The following POT1 variants were observed in gnomAD, a reference collection of about 807,000 sequenced individuals.
POT1 encodes protection of telomeres 1, also known as protection of telomeres protein 1.
POT1 carries 47 observed loss-of-function variants against 78.5 expected under a neutral mutation model. The observed-to-expected ratio is 0.60, with a 90% CI of 0.47 to 0.76. The LOEUF is 0.76. POT1 is among the 30% of genes least tolerant of loss of function. POT1 has a pLI of 0.00. For missense variants in POT1, 646 were observed against 749.9 expected (o/e 0.86, Z 1.62); for synonymous variants, 259 against 260.7 (o/e 0.99, Z 0.06).
intron 2 of POT1, among the ~76,000 whole-genome samples, chr7:124,917,099 A>C (rs1797032011): frequency 6.6e-6 from 1 of 152,130 alleles, no homozygotes. Context: ...TAAGGCCCAG[A>C]CCTATACAGC....
At chr7:124,874,357 A>C (rs1795938332) in intron 6 of POT1, among the ~76,000 whole-genome samples, 1 of 152,172 alleles carries the variant, frequency 6.6e-6, no homozygotes, top group African/African-American at 2.4e-5. Context: ...GAAACAAACT[A>C]CTTACATACA....
intron 2 of POT1, among the ~76,000 whole-genome samples, chr7:124,918,047 C>T (rs1384847218): frequency 6.6e-6 from 1 of 152,214 alleles, no homozygotes; most frequent in African/African-American, 2.4e-5. Context: ...AGTAAATCAA[C>T]TGCTAAGCCT....
rs1053085105 is a variant in POT1, at chr7:124,869,511, GT to G, written c.255+1399del. Among the ~76,000 whole-genome samples, 1,069 of 117,928 alleles carry G rather than the reference GT, an allele frequency of 9.1e-3. 11 individuals are homozygous for G. The highest frequency in any genetic ancestry group is 0.034 in the African/African-American group (1,034 of 30,652). 77.4% of individuals were successfully genotyped at this position (117,928 alleles called of 152,430 possible). A position where few individuals can be genotyped will look rare whatever the true frequency, so the allele number is the denominator to read the frequency against. ...AATACAGTATACAGGAAACAATACTGTGAAAAGTAAGCAATTTTTTGACGTT... is the reference window on the plus strand; with the variant it reads ...AATACAGTATACAGGAAACAATACTGGAAAAGTAAGCAATTTTTTGACGTT... On this transcript the variant is annotated intron_variant, in intron 7 of 18. Transcript: ENST00000357628.
chr7:124,859,516 T>C (rs920424733), intron 8 of POT1, among the ~76,000 whole-genome samples: 1 of 152,280 alleles, frequency 6.6e-6, no homozygotes, highest in East Asian at 1.9e-4. Context: ...ATTATTTTTA[T>C]GAGATTCAGT....
intron 14 of POT1, among the ~76,000 whole-genome samples, chr7:124,839,845 T>G (rs934630260): frequency 6.6e-6 from 1 of 152,058 alleles, no homozygotes; most frequent in Non-Finnish European, 1.5e-5. Flanking sequence ...AAAACCATTA[T>G]CACTCAAAGT....
At chr7:124,878,267 G>A (rs1796037050) in intron 6 of POT1, among the ~76,000 whole-genome samples, 1 of 152,086 alleles carries the variant, frequency 6.6e-6, no homozygotes, top group East Asian at 1.9e-4. Flanking sequence ...AGGAGGCAGA[G>A]GTTGTAGTAA....
intron 3 of POT1, among the ~76,000 whole-genome samples, chr7:124,907,937 A>G (rs1335951901): frequency 2.6e-5 from 4 of 152,072 alleles, no homozygotes; most frequent in Admixed American, 6.6e-5. Flanking sequence ...CTAATAAAGG[A>G]AACAGTCAGT....
chr7:124,842,756 T>TA (rs1449769928), intron 13 of POT1, 51 bp downstream of exon 13: 2 of 1,479,372 alleles, frequency 1.4e-6, no homozygotes, highest in Non-Finnish European at 1.8e-6. Flanking sequence ...TATGTGTACA[T>TA]ATACACACAA....
At chr7:124,859,183 G>A in intron 8 of POT1, 71 bp from the exon 9 acceptor site, 5 of 1,211,278 alleles carry the variant, frequency 4.1e-6, no homozygotes, top group Non-Finnish European at 5.6e-6. Context: ...TTTTTTCCTG[G>A]AAACAGTATT....
intron 6 of POT1, among the ~76,000 whole-genome samples, chr7:124,876,563 G>A (rs1795994879): frequency 6.6e-6 from 1 of 152,126 alleles, no homozygotes; most frequent in Non-Finnish European, 1.5e-5. Context: ...TGGATATGGT[G>A]CACCTGCTTC....
intron 7 of POT1, among the ~76,000 whole-genome samples, chr7:124,865,048 A>C (rs1795687508): frequency 6.6e-6 from 1 of 152,004 alleles, no homozygotes; most frequent in African/African-American, 2.4e-5. Flanking sequence ...TTTTTATTTT[A>C]CTCTCATTCC....
At chr7:124,922,247 A>G (rs12536017) in intron 2 of POT1, among the ~76,000 whole-genome samples, 91,332 of 151,732 alleles carry the variant, frequency 0.6, 27,627 homozygotes, top group African/African-American at 0.65. Context: ...AATGGTAGAT[A>G]TTTTTCACAA....
chr7:124,834,852 C>T (rs1794852244), intron 15 of POT1, among the ~76,000 whole-genome samples: 1 of 152,200 alleles, frequency 6.6e-6, no homozygotes, highest in Non-Finnish European at 1.5e-5. Flanking sequence ...ACCAAATGTC[C>T]ATCAGTGATA....
chr7:124,859,172 G>GT lies in POT1; in HGVS notation c.547-61dup. On this transcript the variant is annotated intron_variant, in intron 8 of 18. Coordinates refer to ENST00000357628, the MANE Select transcript of POT1 (RefSeq NM_015450.3). ...TTTGAAAAAATGCTTGTGCTAAAAA[G>GT]TTTTTTCCTGGAAACAGTATTTAAA... 4 of 1,328,938 alleles carry GT rather than the reference G, an allele frequency of 3.0e-6. No individual in the cohort carries two copies. The South Asian group carries it at 6.0e-5, about 20-fold the overall frequency. The allele number at this position is 1,328,938 out of a possible 1,614,324, so 82.3% of individuals were successfully genotyped here.
chr7:124,896,078 A>C (rs1359148802), intron 5 of POT1, among the ~76,000 whole-genome samples: 1 of 148,090 alleles, frequency 6.8e-6, no homozygotes, highest in Non-Finnish European at 1.5e-5. Context: ...ATTCTCAAAA[A>C]AATACACTTT....
At chr7:124,836,618 C>T (rs748816225) in intron 14 of POT1, among the ~76,000 whole-genome samples, 1 of 152,144 alleles carries the variant, frequency 6.6e-6, no homozygotes, top group African/African-American at 2.4e-5. Context: ...CTGGTGAGAG[C>T]TCATCTAGTC....
At chr7:124,909,082 A>G (rs1298113442) in intron 3 of POT1, among the ~76,000 whole-genome samples, 1 of 151,926 alleles carries the variant, frequency 6.6e-6, no homozygotes, top group Non-Finnish European at 1.5e-5. Flanking sequence ...TAACTCTAAC[A>G]GGGATACAGG....
At chr7:124,923,309 T>C (rs1006036459) in intron 2 of POT1, among the ~76,000 whole-genome samples, 1 of 151,582 alleles carries the variant, frequency 6.6e-6, no homozygotes, top group African/African-American at 2.4e-5. Context: ...GATTTACCAA[T>C]GAGACAGACA....
intron 2 of POT1, among the ~76,000 whole-genome samples, chr7:124,916,272 C>T (rs1327059922): frequency 6.6e-6 from 1 of 152,018 alleles, no homozygotes; most frequent in East Asian, 1.9e-4. Context: ...ATCAATTTTA[C>T]TTATAAAATA....
Sources: allele counts gnomAD v4.1 joint callset (sites outside exome capture counted in the v4.1 genomes callset), GRCh38; gene constraint gnomAD v4.1.1; transcripts MANE v1.5; gene names NCBI Gene and HGNC (gene_info 2026-07-23, HGNC 2026-07-21).